PRKN: variants seen among roughly 807,000 people sequenced by gnomAD.
PRKN encodes E3 ubiquitin-protein ligase parkin.
Under a neutral mutation model 59.5 loss-of-function variants are expected in PRKN, and 56 were observed. The ratio of observed to expected loss-of-function variants is 0.94; its 90% CI spans 0.76 to 1.18. PRKN has a LOEUF of 1.18. Among genes scored for constraint, PRKN ranks in the 50% most tolerant of loss-of-function variants. The pLI, the probability that PRKN is intolerant of heterozygous loss-of-function variation, is 0.00. For synonymous variants in PRKN, 250 were observed against 222.1 expected, an observed-to-expected ratio of 1.13 and a Z score of -1.12; for missense variants, 657 against 596.4, an observed-to-expected ratio of 1.10 and a Z score of -1.06.
At chr6:162,059,570 T>A (rs529011449) in intron 4 of PRKN, among the ~76,000 whole-genome samples, 1 of 152,278 alleles carries the variant, frequency 6.6e-6, no homozygotes, top group African/African-American at 2.4e-5. Flanking sequence ...GGTCTTCAGA[T>A]TAAAAAGGAC....
At chr6:161,860,015 G>A (rs1793825174) in intron 6 of PRKN, among the ~76,000 whole-genome samples, 1 of 152,112 alleles carries the variant, frequency 6.6e-6, no homozygotes, top group South Asian at 2.1e-4. Flanking sequence ...CTAGTTTTGT[G>A]GAGGGTTTTT....
intron 1 of PRKN, among the ~76,000 whole-genome samples, chr6:162,694,201 C>G (rs952172126): frequency 1.5e-5 from 2 of 129,526 alleles, no homozygotes; most frequent in Admixed American, 9.5e-5. Context: ...GAGCCGAGAT[C>G]GTGCCACTGC....
At chr6:162,583,284 T>C (rs926953809) in intron 1 of PRKN, among the ~76,000 whole-genome samples, 3 of 152,196 alleles carry the variant, frequency 2.0e-5, no homozygotes, top group Non-Finnish European at 4.4e-5. Context: ...TATAGCAGCA[T>C]AAATGCACTA....
chr6:162,304,554 T>A (rs530304601), intron 2 of PRKN, among the ~76,000 whole-genome samples: 1 of 148,212 alleles, frequency 6.7e-6, no homozygotes, highest in South Asian at 2.2e-4. Flanking sequence ...TATTTATCCA[T>A]CTGTCCATTT....
chr6:161,676,562 C>T (rs1785093896), intron 7 of PRKN, among the ~76,000 whole-genome samples: 1 of 152,240 alleles, frequency 6.6e-6, no homozygotes, highest in Admixed American at 6.5e-5. Flanking sequence ...AGCAGCCTCA[C>T]TCATTCGTTC....
rs187288063 is a variant in PRKN, at chr6:162,702,462, C to T, written c.7+25200G>A. ...CATTAAACAAAACGGACAAAGAAAA[C>T]TACCATTTCCTGATTTTCTCCCTCA... On this transcript the variant is annotated intron_variant, in intron 1 of 11. Transcript: ENST00000366898. 3.8e-3 allele frequency among the ~76,000 whole-genome samples: 573 copies of T among 152,114 alleles called. 4 individuals carry two copies. Among genetic ancestry groups the T allele is most frequent in the Non-Finnish European group, 3.8e-3 (259 of 67,974 alleles).
intron 2 of PRKN, among the ~76,000 whole-genome samples, chr6:162,284,667 A>C (rs1160180678): frequency 1.3e-5 from 2 of 152,206 alleles, no homozygotes; most frequent in Non-Finnish European, 2.9e-5. Flanking sequence ...TTCAAAATGA[A>C]CAAGAATATT....
At chr6:162,490,848 G>A (rs538440305) in intron 1 of PRKN, among the ~76,000 whole-genome samples, 12 of 152,258 alleles carry the variant, frequency 7.9e-5, no homozygotes, top group South Asian at 2.1e-4. Context: ...AGGACGGCAC[G>A]AGGGGCCAGG....
At chr6:162,657,758 T>C (rs568936788) in intron 1 of PRKN, among the ~76,000 whole-genome samples, 1 of 152,174 alleles carries the variant, frequency 6.6e-6, no homozygotes, top group Admixed American at 6.6e-5. Flanking sequence ...ACCCCTGTCA[T>C]GACTCATGAC....
chr6:162,539,806 A>G (rs1321180040), intron 1 of PRKN, among the ~76,000 whole-genome samples: 1 of 152,242 alleles, frequency 6.6e-6, no homozygotes, highest in African/African-American at 2.4e-5. Context: ...ACAGTGAAAG[A>G]TTATAAAGAC....
chr6:161,681,670 G>A (rs1350866418), intron 7 of PRKN, among the ~76,000 whole-genome samples: 1 of 152,170 alleles, frequency 6.6e-6, no homozygotes. Context: ...CTCAAGTGGC[G>A]CTGGAGCTTT....
intron 4 of PRKN, among the ~76,000 whole-genome samples, chr6:162,184,997 T>A (rs1352945608): frequency 6.6e-6 from 1 of 152,174 alleles, no homozygotes; most frequent in Admixed American, 6.6e-5. Context: ...TGCCTTGGTC[T>A]TCTGTTCTGA....
At chr6:161,874,143 A>AATATAATATATATTATATATAAT (rs1562353921) in intron 6 of PRKN, among the ~76,000 whole-genome samples, 4 of 47,396 alleles carry the variant, frequency 8.4e-5, no homozygotes, top group Admixed American at 4.0e-4. Flanking sequence ...TTATATGTAA[A>AATATAATATATATTATATATAAT]ATATAATATA....
In PRKN at chr6:161,550,720, G is replaced by A. The variant is rs1779973925; in HGVS notation, c.934-1717C>T. ...TGGGGACAACTGTGGTAGAAGAAAGGGTATGTGTGTGTGTGCACGTGTGTG... is the reference window on the plus strand; with the variant it reads ...TGGGGACAACTGTGGTAGAAGAAAGAGTATGTGTGTGTGTGCACGTGTGTG... On this transcript the variant is annotated intron_variant, in intron 8 of 11. Transcript: ENST00000366898. The surrounding 1 kb of genome is among the most constrained non-coding windows in gnomAD (Gnocchi z 4.0). Among the ~76,000 whole-genome samples, 1 of 125,582 alleles carries A rather than the reference G, an allele frequency of 8.0e-6. No homozygotes were observed. The highest frequency in any genetic ancestry group is 1.7e-5 in the Non-Finnish European group (1 of 57,384). 82.4% of individuals were successfully genotyped at this position (125,582 alleles called of 152,430 possible).
At chr6:161,676,920 G>A (rs911441133) in intron 7 of PRKN, among the ~76,000 whole-genome samples, 1 of 152,214 alleles carries the variant, frequency 6.6e-6, no homozygotes, top group Non-Finnish European at 1.5e-5. Context: ...AGTAGTTTAA[G>A]TAGCTTTGTC....
chr6:162,118,323 G>T (rs1447611269), intron 4 of PRKN, among the ~76,000 whole-genome samples: 1 of 151,602 alleles, frequency 6.6e-6, no homozygotes, highest in Non-Finnish European at 1.5e-5. Flanking sequence ...GAGAATGGTT[G>T]TGAAGCCGGG....
At chr6:161,650,758 C>T (rs1244780969) in intron 7 of PRKN, among the ~76,000 whole-genome samples, 2 of 152,152 alleles carry the variant, frequency 1.3e-5, no homozygotes, top group African/African-American at 2.4e-5. Flanking sequence ...TTCACTGGCT[C>T]CTGGCATGGT....
At chr6:161,670,190 C>A (rs898495815) in intron 7 of PRKN, among the ~76,000 whole-genome samples, 2 of 152,078 alleles carry the variant, frequency 1.3e-5, no homozygotes, top group Admixed American at 1.3e-4. Context: ...ATCCTCTGTG[C>A]GCTTCCCAGA....
intron 7 of PRKN, among the ~76,000 whole-genome samples, chr6:161,723,653 A>C (rs970696570): frequency 2.0e-5 from 3 of 152,202 alleles, no homozygotes; most frequent in Non-Finnish European, 4.4e-5. Context: ...TGGCCTGCAC[A>C]AAAATGAGTC....
Sources: gnomAD v4.1 joint callset for allele counts (sites outside exome capture counted in the v4.1 genomes callset) on GRCh38, gnomAD v4.1.1 for gene constraint, Gnocchi (gnomAD v3.1) non-coding constraint, MANE v1.5 for transcripts, NCBI Gene and HGNC (gene_info 2026-07-23, HGNC 2026-07-21) for gene names.